The following TNKS variants were observed in gnomAD, a reference collection of about 807,000 sequenced individuals.
The protein encoded by TNKS is poly [ADP-ribose] polymerase tankyrase-1.
A neutral mutation model predicts 135.8 loss-of-function variants in TNKS; 72 were observed. The observed-to-expected ratio is 0.53, with a 90% CI of 0.44 to 0.64. The LOEUF (loss-of-function observed/expected upper bound fraction) is 0.64. Ranked by LOEUF, TNKS falls within the 30% of genes least tolerant of loss-of-function variation. The probability of loss-of-function intolerance (pLI) is 0.00; values close to 1 mark genes in which losing one functional copy is unlikely to be tolerated. For missense variants in TNKS, 1,769 were observed against 1,674.0 expected (o/e 1.06, Z -0.99); for synonymous variants, 849 against 649.3 (o/e 1.31, Z -4.68).
At chr8:9,576,567 T>C (rs1490380071) in intron 1 of TNKS, among the ~76,000 whole-genome samples, 1 of 151,444 alleles carries the variant, frequency 6.6e-6, no homozygotes, top group Non-Finnish European at 1.5e-5. Context: ...ACCTCCCTGT[T>C]GCCACCTACT....
rs181625192 is a variant in TNKS, at chr8:9,652,551, T to G, written c.995-27400T>G. ...CTTTTTGTTTAAATAAAATATGTTT[T>G]CTTATAAAGTTAGTGGAGTGTGGAG... On this transcript the variant is annotated intron_variant, in intron 3 of 26. Coordinates refer to ENST00000310430, the MANE Select transcript of TNKS (RefSeq NM_003747.3). 1.4e-3 allele frequency among the ~76,000 whole-genome samples: 206 copies of G among 152,326 alleles called. 1 individual carries two copies. The highest frequency in any genetic ancestry group is 1.4e-3 in the Admixed American group (21 of 15,306).
Position 9,735,473 on chromosome 8 carries a change from C to T in TNKS, c.2630C>T (p.Ala877Val), listed in dbSNP as rs1805650971. 5.0e-6 allele frequency: 8 copies of T among 1,613,322 alleles called. No individual in the cohort carries two copies. The highest frequency in any genetic ancestry group is 2.2e-5 in the East Asian group (1 of 44,852). The change falls in exon 17 of 27, where the codon GCG (alanine) becomes GTG (valine). Residue 877 changes from alanine to valine, a missense_variant. By Grantham distance (64) the Ala-to-Val change is moderately conservative. This residue lies in a region of TNKS where 722 missense variants were observed against 688.9 expected (regional missense o/e 1.05). Coordinates refer to ENST00000310430, the MANE Select transcript of TNKS (RefSeq NM_003747.3). Reference protein sequence around the residue: ...DKGGLIPLHNAASYGHVDIAA... With the variant: ...DKGGLIPLHNVASYGHVDIAA... ...GGTGGTTTAATTCCTCTTCATAATGCGGCATCTTATGGGGTAAGCATACTA... is the reference window on the plus strand; with the variant it reads ...GGTGGTTTAATTCCTCTTCATAATGTGGCATCTTATGGGGTAAGCATACTA...
At chr8:9,655,492 C>A (rs924037754) in intron 3 of TNKS, among the ~76,000 whole-genome samples, 3 of 152,200 alleles carry the variant, frequency 2.0e-5, no homozygotes, top group African/African-American at 7.2e-5. Flanking sequence ...AGGCACCCCC[C>A]AGTAGGGGCG....
chr8:9,731,460 C>CAAA lies in TNKS; in HGVS notation c.2147+447_2147+449dup, dbSNP rs36213271. ...GGGCAACAAGAGCGAAATTCCATCT[C>CAAA]AAAAAAAAAAAAAAAAAAAAAAAAC... On this transcript the variant is annotated intron_variant, in intron 14 of 26. Coordinates refer to ENST00000310430, the MANE Select transcript of TNKS (RefSeq NM_003747.3). 2.8e-3 allele frequency among the ~76,000 whole-genome samples: 187 copies of CAAA among 67,482 alleles called. 1 individual carries two copies. The highest frequency in any genetic ancestry group is 0.011 in the Middle Eastern group (1 of 92). 44.3% of individuals were successfully genotyped at this position (67,482 alleles called of 152,430 possible).
intron 5 of TNKS, among the ~76,000 whole-genome samples, chr8:9,697,465 G>A (rs1248813128): frequency 6.6e-6 from 1 of 152,066 alleles, no homozygotes; most frequent in East Asian, 1.9e-4. Context: ...CCTAATTAAA[G>A]AGCTTCTGCA....
At chr8:9,602,427 C>T (rs778699451) in intron 2 of TNKS, among the ~76,000 whole-genome samples, 1 of 152,202 alleles carries the variant, frequency 6.6e-6, no homozygotes, top group African/African-American at 2.4e-5. Context: ...CGCCTCCTCA[C>T]AAATGGGAAG....
chr8:9,678,449 A>G (rs1398100197), intron 3 of TNKS, among the ~76,000 whole-genome samples: 3 of 152,176 alleles, frequency 2.0e-5, no homozygotes, highest in African/African-American at 7.2e-5. Context: ...ATGGGAAATT[A>G]GAAAGACCAA....
chr8:9,764,869 T>C lies in TNKS; in HGVS notation c.3447+79T>C, dbSNP rs894463164. The C allele has an allele frequency of 1.2e-5, 13 of 1,121,548 alleles. 1 individual carries two copies. In the South Asian group the frequency reaches 2.1e-4, roughly 18 times the overall value. 69.5% of individuals were successfully genotyped at this position (1,121,548 alleles called of 1,614,324 possible). On this transcript the variant is annotated intron_variant, in intron 23 of 26. Transcript: ENST00000310430. ...CCAAATCTAGACAATGAAAAAAGTT[T>C]ATTAAGTCATATTTTCAAACTGTGA...
chr8:9,709,478 T>A (rs1326755437), intron 9 of TNKS, among the ~76,000 whole-genome samples: 4 of 152,192 alleles, frequency 2.6e-5, no homozygotes, highest in African/African-American at 9.7e-5. Flanking sequence ...TGAGAATATT[T>A]TTCTCTAAAC....
chr8:9,752,943 C>T lies in TNKS; in HGVS notation c.3153+317C>T, dbSNP rs552621472. Among the ~76,000 whole-genome samples, 9 of 144,916 alleles carry T rather than the reference C, an allele frequency of 6.2e-5. 1 individual carries two copies. The highest frequency in any genetic ancestry group is 2.0e-4 in the East Asian group (1 of 5,012). ...TTGTGCCACTGCATTCTAGCTTTGG[C>T]GACAAAACAAAACCCTATCTCGAAA... On this transcript the variant is annotated intron_variant, in intron 20 of 26. Coordinates refer to ENST00000310430, the MANE Select transcript of TNKS (RefSeq NM_003747.3).
intron 1 of TNKS, among the ~76,000 whole-genome samples, chr8:9,576,467 T>C (rs1797949384): frequency 7.4e-6 from 1 of 135,428 alleles, no homozygotes; most frequent in South Asian, 2.4e-4. Flanking sequence ...CACCCCCCTC[T>C]TTTTTTTTTT....
chr8:9,581,730 C>T (rs1249763385), intron 2 of TNKS, among the ~76,000 whole-genome samples: 1 of 152,148 alleles, frequency 6.6e-6, no homozygotes, highest in Non-Finnish European at 1.5e-5. Flanking sequence ...ATTATCCTTT[C>T]CAGGCTTCAG....
chr8:9,759,982 G>A (rs10104145), intron 20 of TNKS, among the ~76,000 whole-genome samples: 60,646 of 143,254 alleles, frequency 0.42, 12,507 homozygotes, highest in East Asian at 0.51. Context: ...TGTCTCAAAA[G>A]AAAACAAAAC....
intron 5 of TNKS, among the ~76,000 whole-genome samples, chr8:9,683,235 A>G (rs190020778): frequency 2.9e-4 from 44 of 152,126 alleles, no homozygotes; most frequent in African/African-American, 1.0e-3. Flanking sequence ...TCCCTTGGTT[A>G]TGTCAGTTTG....
rs1278323710 is a variant in TNKS at position 9,556,490 on chromosome 8, G to C, written c.551G>C (p.Arg184Pro). 6.2e-7 allele frequency: 1 copy of C among 1,614,180 alleles called. No individual in the cohort carries two copies. The highest frequency in any genetic ancestry group is 8.5e-7 in the Non-Finnish European group (1 of 1,180,044). The change falls in exon 1 of 27, where the codon CGG (arginine) becomes CCG (proline). Residue 184 changes from arginine (R) to proline (P), a missense_variant. This residue lies in a region of TNKS where 450 missense variants were observed against 304.9 expected (regional missense o/e 1.48). Transcript: ENST00000310430. ...TGVPAVSGALRELLEACRNGD... is the reference protein window; with the variant it reads ...TGVPAVSGALPELLEACRNGD... ...GTCCCAGCAGTGAGCGGGGCCCTAC[G>C]GGAACTGCTGGAGGCCTGTCGCAAT...
Position 9,733,269 on chromosome 8 carries a change from T to C in TNKS, c.2148-10T>C, listed in dbSNP as rs1376547177. The stretch of plus-strand genomic sequence containing the variant: ...GTTTTATGACTTTAAAATAACTTTC[T>C]TTTGTTTAGTGGCTTGGTGCCCCTT... On this transcript the variant is annotated splice_polypyrimidine_tract_variant and intron_variant, in intron 14 of 26. Coordinates refer to ENST00000310430, the MANE Select transcript of TNKS (RefSeq NM_003747.3). The C allele has an allele frequency of 3.9e-6, 6 of 1,548,634 alleles. No homozygotes were observed. The South Asian group carries it at 7.6e-5, about 20-fold the overall frequency.
In TNKS at chr8:9,754,181, C is replaced by G. The variant is rs59143946; in HGVS notation, c.3153+1555C>G. 8.6e-3 allele frequency among the ~76,000 whole-genome samples: 1,303 copies of G among 152,280 alleles called. 16 individuals are homozygous for G. Among genetic ancestry groups the G allele is most frequent in the African/African-American group, 0.03 (1,229 of 41,558 alleles). On this transcript the variant is annotated intron_variant, in intron 20 of 26. Coordinates refer to ENST00000310430, the MANE Select transcript of TNKS (RefSeq NM_003747.3). ...CCAAGGAAGGTGACATTCACAGGTTCTGGGGATTAGAACATAGACGTATCA... is the reference window on the plus strand; with the variant it reads ...CCAAGGAAGGTGACATTCACAGGTTGTGGGGATTAGAACATAGACGTATCA...
intron 20 of TNKS, among the ~76,000 whole-genome samples, chr8:9,759,457 C>T (rs1452182529): frequency 6.6e-6 from 1 of 152,208 alleles, no homozygotes; most frequent in Non-Finnish European, 1.5e-5. Context: ...GTGAGAGCTC[C>T]TCTCAGCCTT....
chr8:9,733,735 C>T (rs1805556918), intron 15 of TNKS, among the ~76,000 whole-genome samples: 1 of 152,056 alleles, frequency 6.6e-6, no homozygotes, highest in Non-Finnish European at 1.5e-5. Context: ...GTATTAATAT[C>T]AGAAAAAACT....
Sources: allele counts gnomAD v4.1 joint callset (sites outside exome capture counted in the v4.1 genomes callset), GRCh38; gene constraint gnomAD v4.1.1; regional missense constraint gnomAD v4.1.1; transcripts MANE v1.5; gene names NCBI Gene and HGNC (gene_info 2026-07-23, HGNC 2026-07-21).